PCLO: variants seen among roughly 807,000 people sequenced by gnomAD.
PCLO encodes piccolo presynaptic cytomatrix protein.
PCLO carries 82 observed loss-of-function variants against 427.5 expected under a neutral mutation model. The ratio of observed to expected loss-of-function variants is 0.19; its 90% CI spans 0.16 to 0.23. The LOEUF (loss-of-function observed/expected upper bound fraction) is 0.23, where lower values mean the gene tolerates loss of function less well. Ranked by LOEUF, PCLO falls within the 10% of genes least tolerant of loss-of-function variation. The pLI is 1.00. For synonymous variants in PCLO, 2,357 were observed against 2,155.4 expected, an observed-to-expected ratio of 1.09 and a Z score of -2.59; for missense variants, 6,239 against 6,115.9, an observed-to-expected ratio of 1.02 and a Z score of -0.67.
intron 7 of PCLO, among the ~76,000 whole-genome samples, chr7:82,911,785 G>T (rs976067960): frequency 1.3e-5 from 2 of 151,940 alleles, no homozygotes; most frequent in Non-Finnish European, 2.9e-5. Flanking sequence ...ACTACGCCCA[G>T]CTAATTTTTG....
rs1330711263 is a variant in PCLO at position 82,953,862 on chromosome 7, C to T, written c.7091G>A (p.Gly2364Glu). The part of the protein sequence containing the change: ...EQLSTTYFTS[G>E]ETFGQEKPAS... ...AGGTTTTTCCTGACCAAAGGTCTCT[C>T]CAGATGTAAAGTATGTAGTTGAAAG... Residue 2364 changes from glycine (G) to glutamate (E), a missense_variant, in exon 5 of 25, where the codon GGA becomes GAA. By Grantham distance (98) the Gly-to-Glu change is moderately conservative. Around this residue, in one of 5 missense-constraint regions of PCLO, gnomAD observed 4,677 missense variants for 4,468.4 expected, o/e 1.05. Coordinates refer to ENST00000333891, the MANE Select transcript of PCLO (RefSeq NM_033026.6). 1 of 1,613,632 alleles carries T rather than the reference C, an allele frequency of 6.2e-7. No individual in the cohort carries two copies.
At chr7:82,813,935 T>G (rs986327465) in intron 20 of PCLO, among the ~76,000 whole-genome samples, 1 of 151,810 alleles carries the variant, frequency 6.6e-6, no homozygotes, top group African/African-American at 2.4e-5. Context: ...TCTATTGTTA[T>G]GCCAATACAA....
At chr7:82,847,966 G>A (rs904142795) in intron 10 of PCLO, among the ~76,000 whole-genome samples, 1 of 152,032 alleles carries the variant, frequency 6.6e-6, no homozygotes, top group Non-Finnish European at 1.5e-5. Context: ...TTTTGCACTG[G>A]GTTTTGTAAA....
rs529500440 is a variant in PCLO at position 82,824,770 on chromosome 7, C to T, written c.14416-354G>A. Among the ~76,000 whole-genome samples the T allele has an allele frequency of 1.7e-4, 25 of 151,248 alleles. No homozygotes were observed. The South Asian group carries it at 5.0e-3, about 31-fold the overall frequency. On this transcript the variant is annotated intron_variant, in intron 18 of 24. Transcript: ENST00000333891. ...ATTTTAATCTTACACGGTGAAATCC[C>T]GTCTCTGCTAAAAATACAAAAAAAA...
At chr7:83,032,796 A>G (rs985757436) in intron 3 of PCLO, among the ~76,000 whole-genome samples, 3 of 152,214 alleles carry the variant, frequency 2.0e-5, no homozygotes, top group African/African-American at 7.2e-5. Flanking sequence ...TGAATCATGA[A>G]GTTTTAATAC....
At chr7:83,064,172 C>A (rs1354223984) in intron 3 of PCLO, among the ~76,000 whole-genome samples, 1 of 151,834 alleles carries the variant, frequency 6.6e-6, no homozygotes, top group Non-Finnish European at 1.5e-5. Context: ...GACAAAGACA[C>A]AATAACCACA....
chr7:83,038,045 ATATATC>A lies in PCLO; in HGVS notation c.3301-71564_3301-71559del, dbSNP rs1562933104. Among the ~76,000 whole-genome samples, 278 of 35,180 alleles carry A rather than the reference ATATATC, an allele frequency of 7.9e-3. 45 individuals are homozygous for A. The highest frequency in any genetic ancestry group is 0.06 in the African/African-American group (268 of 4,468). The allele number at this position is 35,180 out of a possible 152,430, so 23.1% of individuals were successfully genotyped here. A position where few individuals can be genotyped will look rare whatever the true frequency, so the allele number is the denominator to read the frequency against. On this transcript the variant is annotated intron_variant, in intron 3 of 24. Coordinates refer to ENST00000333891, the MANE Select transcript of PCLO (RefSeq NM_033026.6). ...TATATATATATTTATATATTTATAT[ATATATC>A]TTTATATATATATTTATATATTTAT...
At position 83,033,218 on chromosome 7, in the gene PCLO, T is replaced by C. The variant is rs1002815137; in HGVS notation, c.3301-66731A>G. On this transcript the variant is annotated intron_variant, in intron 3 of 24. Transcript: ENST00000333891. ...ATCTCAGGTTGTATCTTTATAGCAG[T>C]GTAGAAATGGACTAATAGAAGGGTT... Among the ~76,000 whole-genome samples, 15 of 152,260 alleles carry C rather than the reference T, an allele frequency of 9.9e-5. No individual in the cohort carries two copies. The South Asian group carries it at 2.5e-3, about 25-fold the overall frequency.
intron 9 of PCLO, among the ~76,000 whole-genome samples, chr7:82,891,870 A>C (rs1793775485): frequency 6.6e-6 from 1 of 152,100 alleles, no homozygotes; most frequent in African/African-American, 2.4e-5. Context: ...AGGGATGTGA[A>C]GGACCTCTTC....
In PCLO at chr7:82,952,128, T is replaced by C; in HGVS notation, c.8825A>G (p.Asp2942Gly). The change falls in exon 5 of 25, where the codon GAT (aspartate) becomes GGT (glycine). Residue 2942 changes from aspartate to glycine, a missense_variant. By Grantham distance (94) the Asp-to-Gly change is moderately conservative. Transcript: ENST00000333891. ...TCCAAATGGTAATTTATAAACCACA[T>C]CACAGCACACAGCTCTTCTCCCTGC... is the stretch of plus-strand genomic sequence containing the variant. Reference protein sequence around the residue: ...LTAGRRAVCCDVVYKLPFGRS... With the variant: ...LTAGRRAVCCGVVYKLPFGRS... 6.2e-7 allele frequency: 1 copy of C among 1,613,842 alleles called. No individual in the cohort carries two copies. The highest frequency in any genetic ancestry group is 2.2e-5 in the East Asian group (1 of 44,854).
intron 6 of PCLO, among the ~76,000 whole-genome samples, chr7:82,939,528 G>T (rs531704696): frequency 6.6e-6 from 1 of 151,364 alleles, no homozygotes; most frequent in South Asian, 2.1e-4. Context: ...AGGGATATGT[G>T]TGTGTAGAAA....
intron 3 of PCLO, among the ~76,000 whole-genome samples, chr7:83,004,073 G>T (rs1787888575): frequency 1.3e-5 from 2 of 151,460 alleles, no homozygotes; most frequent in Admixed American, 1.3e-4. Flanking sequence ...TGAGAAGCTC[G>T]CACCTAACCA....
chr7:83,053,277 T>C (rs1027013709), intron 3 of PCLO, among the ~76,000 whole-genome samples: 4 of 139,236 alleles, frequency 2.9e-5, no homozygotes, highest in Admixed American at 2.2e-4. Flanking sequence ...ACGCTGCTCT[T>C]ATAAATAATA....
intron 22 of PCLO, among the ~76,000 whole-genome samples, chr7:82,769,845 T>C (rs1488702942): frequency 6.6e-6 from 1 of 152,106 alleles, no homozygotes; most frequent in Non-Finnish European, 1.5e-5. Context: ...TCATAATTTG[T>C]TACCTAGCTC....
chr7:82,889,694 T>C (rs965128766), intron 9 of PCLO, among the ~76,000 whole-genome samples: 1 of 152,082 alleles, frequency 6.6e-6, no homozygotes, highest in African/African-American at 2.4e-5. Context: ...TTTATAATAA[T>C]GGAAAGGGGA....
intron 3 of PCLO, among the ~76,000 whole-genome samples, chr7:83,093,849 T>G (rs1388071258): frequency 6.7e-6 from 1 of 150,154 alleles, no homozygotes; most frequent in Non-Finnish European, 1.5e-5. Flanking sequence ...TGATTTGTTT[T>G]TTTTTTTTTA....
chr7:82,899,604 G>A (rs1171467787), intron 9 of PCLO, among the ~76,000 whole-genome samples: 1 of 151,290 alleles, frequency 6.6e-6, no homozygotes, highest in East Asian at 1.9e-4. Flanking sequence ...ACAAGAAAAA[G>A]GGGCATTCAG....
chr7:82,782,340 T>C (rs1790890618), intron 22 of PCLO, among the ~76,000 whole-genome samples: 2 of 152,220 alleles, frequency 1.3e-5, no homozygotes, highest in South Asian at 4.1e-4. Flanking sequence ...GAGAGGTTTC[T>C]TGAAATAACA....
At chr7:83,021,508 T>A (rs1344030648) in intron 3 of PCLO, among the ~76,000 whole-genome samples, 1 of 152,114 alleles carries the variant, frequency 6.6e-6, no homozygotes, top group Admixed American at 6.6e-5. Flanking sequence ...TAGAATGAAA[T>A]GAGCAAACAT....
Sources: allele counts gnomAD v4.1 joint callset (sites outside exome capture counted in the v4.1 genomes callset), GRCh38; gene constraint gnomAD v4.1.1; regional missense constraint gnomAD v4.1.1; transcripts MANE v1.5; gene names NCBI Gene and HGNC (gene_info 2026-07-23, HGNC 2026-07-21).